CDIN1: variants seen among roughly 807,000 people sequenced by gnomAD.
CDIN1 encodes the protein CDAN1-interacting nuclease 1.
Under a neutral mutation model 45.3 loss-of-function variants are expected in CDIN1, and 33 were observed. The observed-to-expected ratio is 0.73, with a 90% confidence interval of 0.55 to 0.97. The LOEUF (loss-of-function observed/expected upper bound fraction) is 0.97. CDIN1 is among the 50% of genes least tolerant of loss of function. CDIN1 has a pLI of 0.00. For synonymous variants in CDIN1, 118 were observed against 124.4 expected, an observed-to-expected ratio of 0.95 and a Z score of 0.34; for missense variants, 303 against 339.4, an observed-to-expected ratio of 0.89 and a Z score of 0.84.
At chr15:36,701,241 A>G (rs1303960472) in intron 8 of CDIN1, among the ~76,000 whole-genome samples, 1 of 152,130 alleles carries the variant, frequency 6.6e-6, no homozygotes, top group East Asian at 1.9e-4. Context: ...AGCTGTACAA[A>G]AAACTCCTCA....
chr15:36,597,796 G>A (rs2140217983), intron 1 of CDIN1, among the ~76,000 whole-genome samples: 1 of 152,220 alleles, frequency 6.6e-6, no homozygotes, highest in South Asian at 2.1e-4. Flanking sequence ...TTGACTGTCA[G>A]TTCTCCTGTC....
At chr15:36,617,998 A>G (rs1231464985) in intron 1 of CDIN1, 9 of 786,248 alleles carry the variant, frequency 1.1e-5, no homozygotes, top group Non-Finnish European at 2.1e-5. Flanking sequence ...ATGCCTCCCC[A>G]GTCTTTATGC....
chr15:36,612,410 T>C (rs2038689605), intron 1 of CDIN1, among the ~76,000 whole-genome samples: 1 of 152,210 alleles, frequency 6.6e-6, no homozygotes, highest in African/African-American at 2.4e-5. Context: ...CAAACATTTC[T>C]GTACGGTATA....
chr15:36,773,776 T>G (rs574016170), intron 10 of CDIN1, among the ~76,000 whole-genome samples: 2 of 152,314 alleles, frequency 1.3e-5, no homozygotes, highest in East Asian at 3.9e-4. Context: ...TGGTAGGAAG[T>G]GAATTTTCTG....
At chr15:36,671,630 A>G (rs943552191) in intron 5 of CDIN1, among the ~76,000 whole-genome samples, 13 of 152,144 alleles carry the variant, frequency 8.5e-5, no homozygotes, top group African/African-American at 3.1e-4. Flanking sequence ...ATTTAGATCA[A>G]AATCGTTACT....
chr15:36,731,351 C>A (rs1227235955), intron 10 of CDIN1, among the ~76,000 whole-genome samples: 1 of 152,020 alleles, frequency 6.6e-6, no homozygotes, highest in African/African-American at 2.4e-5. Flanking sequence ...GAATTTATTT[C>A]ATTTGAAATT....
chr15:36,737,931 C>T (rs1188281506), intron 10 of CDIN1, among the ~76,000 whole-genome samples: 2 of 152,200 alleles, frequency 1.3e-5, no homozygotes, highest in South Asian at 2.1e-4. Flanking sequence ...CTTTACTTGA[C>T]CTGTCCACAA....
chr15:36,647,236 G>A (rs1260612685), intron 3 of CDIN1, among the ~76,000 whole-genome samples: 2 of 151,764 alleles, frequency 1.3e-5, no homozygotes, highest in Non-Finnish European at 2.9e-5. Flanking sequence ...ACTTTGCCCA[G>A]GCTGTTCTTG....
At chr15:36,744,416 C>T (rs1376056627) in intron 10 of CDIN1, among the ~76,000 whole-genome samples, 2 of 152,134 alleles carry the variant, frequency 1.3e-5, no homozygotes, top group African/African-American at 4.8e-5. Context: ...TTCCAGTGTA[C>T]CAAATTCACA....
intron 1 of CDIN1, chr15:36,613,700 C>G: frequency 6.6e-7 from 1 of 1,509,818 alleles, no homozygotes; most frequent in African/African-American, 1.4e-5. Context: ...CCTGCAAAAG[C>G]TAGAAGAAGC....
intron 5 of CDIN1, 105 bp from the exon 6 acceptor site, chr15:36,691,580 A>G: frequency 1.5e-6 from 1 of 676,620 alleles, no homozygotes; most frequent in Non-Finnish European, 2.5e-6. Context: ...TGCCAGTCAT[A>G]TTTTTGTTTT....
intron 10 of CDIN1, among the ~76,000 whole-genome samples, chr15:36,735,072 T>A (rs2043968498): frequency 6.6e-6 from 1 of 152,244 alleles, no homozygotes; most frequent in African/African-American, 2.4e-5. Flanking sequence ...TGCAAACTAC[T>A]TTGTTCCTAA....
At chr15:36,748,934 A>G (rs2053380038) in intron 10 of CDIN1, among the ~76,000 whole-genome samples, 1 of 152,200 alleles carries the variant, frequency 6.6e-6, no homozygotes, top group Admixed American at 6.5e-5. Flanking sequence ...TCCGGCATGT[A>G]TCACTACAAA....
At chr15:36,677,681 C>T (rs1368131689) in intron 5 of CDIN1, among the ~76,000 whole-genome samples, 1 of 152,084 alleles carries the variant, frequency 6.6e-6, no homozygotes, top group Non-Finnish European at 1.5e-5. Flanking sequence ...GAGTTCTCTC[C>T]ATTCCACAAT....
chr15:36,777,570 G>T (rs1197379789), intron 10 of CDIN1, among the ~76,000 whole-genome samples: 1 of 152,100 alleles, frequency 6.6e-6, no homozygotes, highest in African/African-American at 2.4e-5. Context: ...AGCCCCTACT[G>T]TACACCAGAC....
At chr15:36,783,943 T>A (rs2054420692) in intron 10 of CDIN1, among the ~76,000 whole-genome samples, 1 of 152,190 alleles carries the variant, frequency 6.6e-6, no homozygotes, top group Non-Finnish European at 1.5e-5. Flanking sequence ...TGATGTAATA[T>A]AAAGCTCATT....
intron 10 of CDIN1, among the ~76,000 whole-genome samples, chr15:36,748,683 C>T (rs1426225323): frequency 3.3e-5 from 5 of 152,012 alleles, no homozygotes; most frequent in East Asian, 1.9e-4. Context: ...ACAAACAAAA[C>T]GTGCAGCCAT....
chr15:36,597,549 C>G (rs1301429261), intron 1 of CDIN1, among the ~76,000 whole-genome samples: 1 of 152,174 alleles, frequency 6.6e-6, no homozygotes, highest in Non-Finnish European at 1.5e-5. Flanking sequence ...TTAAACTGAG[C>G]AAGATTATTT....
chr15:36,592,529 T>A (rs1426252742), intron 1 of CDIN1, among the ~76,000 whole-genome samples: 1 of 152,224 alleles, frequency 6.6e-6, no homozygotes, highest in East Asian at 1.9e-4. Flanking sequence ...TTTGTAGCCT[T>A]TTTTCTGAAA....
Sources: allele counts gnomAD v4.1 joint callset (sites outside exome capture counted in the v4.1 genomes callset), GRCh38; gene constraint gnomAD v4.1.1; transcripts MANE v1.5; gene names NCBI Gene and HGNC (gene_info 2026-07-23, HGNC 2026-07-21).